Variants in HECW2 observed in about 807,000 individuals in gnomAD.
HECW2 encodes HECT, C2 and WW domain containing E3 ubiquitin protein ligase 2.
In HECW2, 61 loss-of-function variants were observed where a neutral mutation model predicts 175.2. The observed-to-expected ratio is 0.35, with a 90% CI of 0.28 to 0.43. HECW2 has a LOEUF of 0.43. Ranked by LOEUF, HECW2 falls within the 20% of genes least tolerant of loss-of-function variation. HECW2 has a pLI of 1.00. For missense variants in HECW2, 1,524 were observed against 2,000.5 expected (o/e 0.76, Z 4.54); for synonymous variants, 671 against 731.0 (o/e 0.92, Z 1.32).
chr2:196,286,386 T>TTATATATATATATATATATATATA, intron 14 of HECW2, among the ~76,000 whole-genome samples: 1 of 114,652 alleles, frequency 8.7e-6, no homozygotes, highest in Admixed American at 8.2e-5. Flanking sequence ...AAGATGGAGG[T>TTATATATATATATATATATATATA]CATATATATA....
intron 1 of HECW2, among the ~76,000 whole-genome samples, chr2:196,452,336 A>G (rs530432262): frequency 7.2e-5 from 11 of 152,226 alleles, no homozygotes; most frequent in Non-Finnish European, 1.6e-4. Context: ...TACTATTAAA[A>G]TTAATTTCAT....
chr2:196,251,760 C>A (rs1414203368), intron 19 of HECW2, among the ~76,000 whole-genome samples: 2 of 152,158 alleles, frequency 1.3e-5, no homozygotes, highest in Non-Finnish European at 2.9e-5. Context: ...GTTACTCTGG[C>A]TAATGCAATG....
intron 2 of HECW2, among the ~76,000 whole-genome samples, chr2:196,402,803 A>T (rs926549276): frequency 4.6e-4 from 57 of 123,626 alleles, no homozygotes; most frequent in Non-Finnish European, 7.1e-4. Flanking sequence ...TGCCTTGGGA[A>T]TTTTTTTTTT....
At chr2:196,331,566 C>T (rs1692360930) in intron 4 of HECW2, among the ~76,000 whole-genome samples, 1 of 152,180 alleles carries the variant, frequency 6.6e-6, no homozygotes, top group Admixed American at 6.5e-5. Flanking sequence ...GAGGCTGAAA[C>T]AATTCATAAC....
intron 15 of HECW2, among the ~76,000 whole-genome samples, chr2:196,278,149 T>TATATATATATATATATATATATAA (rs1481136211): frequency 1.3e-4 from 16 of 119,596 alleles, no homozygotes; most frequent in African/African-American, 4.4e-4. Flanking sequence ...TATATATATA[T>TATATATATATATATATATATATAA]ATAAAGAAAT....
chr2:196,367,739 C>T (rs550555507), intron 2 of HECW2, among the ~76,000 whole-genome samples: 9 of 152,078 alleles, frequency 5.9e-5, no homozygotes, highest in South Asian at 4.1e-4. Flanking sequence ...TGACAACATG[C>T]GAAGTGTGTC....
At chr2:196,322,227 T>C (rs1439582145) in intron 7 of HECW2, among the ~76,000 whole-genome samples, 1 of 152,218 alleles carries the variant, frequency 6.6e-6, no homozygotes, top group Non-Finnish European at 1.5e-5. Flanking sequence ...TCAAACACTA[T>C]GAGATTTGAC....
At chr2:196,228,808 T>C (rs1687945813) in intron 21 of HECW2, among the ~76,000 whole-genome samples, 1 of 152,166 alleles carries the variant, frequency 6.6e-6, no homozygotes, top group Non-Finnish European at 1.5e-5. Flanking sequence ...AATGGAGTGA[T>C]AAGGTGCAAA....
intron 21 of HECW2, among the ~76,000 whole-genome samples, chr2:196,234,226 G>C (rs946075872): frequency 2.0e-5 from 3 of 151,758 alleles, no homozygotes; most frequent in African/African-American, 7.2e-5. Flanking sequence ...AATGTTTTGG[G>C]TATTAAGAAA....
Position 196,302,446 on chromosome 2 carries a change from T to C in HECW2, c.2814+4042A>G, listed in dbSNP as rs1488655773. Among the ~76,000 whole-genome samples the C allele has an allele frequency of 3.9e-5, 6 of 152,256 alleles. No homozygotes were observed. In the East Asian group the frequency reaches 1.2e-3, roughly 29 times the overall value. ...ATTTTAAAATAGTTTTTTCTAATTC[T>C]GTGAAGAATGTCAATGGTAGTTTAA... On this transcript the variant is annotated intron_variant, in intron 13 of 28. Transcript: ENST00000644978.
intron 2 of HECW2, among the ~76,000 whole-genome samples, chr2:196,420,424 C>T (rs1197490100): frequency 6.6e-6 from 1 of 152,160 alleles, no homozygotes. Flanking sequence ...TGGTTTAAGG[C>T]CTTGACTTTA....
At chr2:196,534,879 C>G (rs1226935517) in intron 1 of HECW2, among the ~76,000 whole-genome samples, 1 of 152,170 alleles carries the variant, frequency 6.6e-6, no homozygotes, top group African/African-American at 2.4e-5. Flanking sequence ...ATACCAAAAT[C>G]AAATCCTATT....
intron 1 of HECW2, among the ~76,000 whole-genome samples, chr2:196,514,231 G>A (rs1037905060): frequency 1.3e-5 from 2 of 152,236 alleles, no homozygotes; most frequent in African/African-American, 4.8e-5. Flanking sequence ...CCGAGTCTGA[G>A]CACTGTCACA....
chr2:196,415,639 AGGAGCCAGTAAGAGATGGCTCCAGGC>A (rs1695235425), intron 2 of HECW2, among the ~76,000 whole-genome samples: 2 of 152,210 alleles, frequency 1.3e-5, no homozygotes, highest in Non-Finnish European at 2.9e-5. Flanking sequence ...ATGGGCTCCC[AGGAGCCAGTAAGAGATGGCTCCAGGC>A]ACCTTTGGTT....
Position 196,261,296 on chromosome 2 carries a change from C to T in HECW2, c.3336-3390G>A, listed in dbSNP as rs115180566. Among the ~76,000 whole-genome samples the T allele has an allele frequency of 6.0e-3, 910 of 152,214 alleles. 6 individuals carry two copies. Among genetic ancestry groups the T allele is most frequent in the African/African-American group, 0.021 (889 of 41,500 alleles). On this transcript the variant is annotated intron_variant, in intron 17 of 28. Coordinates refer to ENST00000644978, the MANE Select transcript of HECW2 (RefSeq NM_001348768.2). ...TTAAAAAGAAAATTATGCATTCATG[C>T]TAAATAATGCATAAAAGATATCCTG...
At chr2:196,585,670 A>C (rs1438819405) in intron 1 of HECW2, among the ~76,000 whole-genome samples, 3 of 152,070 alleles carry the variant, frequency 2.0e-5, no homozygotes, top group Non-Finnish European at 4.4e-5. Flanking sequence ...TTAAAGAAGG[A>C]GAGAACAAAG....
intron 1 of HECW2, among the ~76,000 whole-genome samples, chr2:196,496,220 T>A (rs548943447): frequency 8.2e-4 from 125 of 151,990 alleles, no homozygotes; most frequent in African/African-American, 2.9e-3. Context: ...TGTGTGTGTG[T>A]CTGTGTGTGT....
At chr2:196,238,246 A>C (rs1361957455) in intron 21 of HECW2, among the ~76,000 whole-genome samples, 1 of 152,110 alleles carries the variant, frequency 6.6e-6, no homozygotes, top group Non-Finnish European at 1.5e-5. Context: ...AAAACAAAAC[A>C]AAACAAAAAA....
At chr2:196,461,513 C>T (rs910215522) in intron 1 of HECW2, among the ~76,000 whole-genome samples, 1 of 152,164 alleles carries the variant, frequency 6.6e-6, no homozygotes, top group African/African-American at 2.4e-5. Context: ...GAAATGAAAA[C>T]ATATCCACAC....
Sources: allele counts gnomAD v4.1 joint callset (sites outside exome capture counted in the v4.1 genomes callset), GRCh38; gene constraint gnomAD v4.1.1; transcripts MANE v1.5; gene names NCBI Gene and HGNC (gene_info 2026-07-23, HGNC 2026-07-21).